The following RALGPS1 variants were observed in gnomAD, a reference collection of about 807,000 sequenced individuals.
The protein encoded by RALGPS1 is ras-specific guanine nucleotide-releasing factor RalGPS1.
RALGPS1 carries 19 observed loss-of-function variants against 78.8 expected under a neutral mutation model. The ratio of observed to expected loss-of-function variants is 0.24; its 90% confidence interval spans 0.17 to 0.35. The LOEUF is 0.35. RALGPS1 is among the 10% of genes least tolerant of loss of function. The pLI is 1.00. For synonymous variants in RALGPS1, 228 were observed against 256.3 expected (o/e 0.89, Z 1.06); for missense variants, 454 against 688.3 (o/e 0.66, Z 3.81).
chr9:126,960,909 G>C (rs1293865242), intron 1 of RALGPS1, among the ~76,000 whole-genome samples: 1 of 152,090 alleles, frequency 6.6e-6, no homozygotes, highest in Non-Finnish European at 1.5e-5. Context: ...CTCCACTTCA[G>C]TGCCTGGGGA....
chr9:127,036,138 A>G (rs1002904594), intron 5 of RALGPS1, among the ~76,000 whole-genome samples: 1 of 152,242 alleles, frequency 6.6e-6, no homozygotes, highest in Non-Finnish European at 1.5e-5. Flanking sequence ...CCAAGTGATG[A>G]AATGAGCCAG....
chr9:127,149,067 T>C (rs912319515), intron 8 of RALGPS1, among the ~76,000 whole-genome samples: 6 of 152,204 alleles, frequency 3.9e-5, no homozygotes, highest in African/African-American at 1.4e-4. Context: ...AGGCCAAAAC[T>C]GAGGACCAGA....
rs113413659 is a variant in RALGPS1, at chr9:126,958,142, A to AAAAAAAATATATATATATATATAT, written c.-65-4082_-65-4081insAAAAAATATATATATATATATATA. On this transcript the variant is annotated intron_variant, in intron 1 of 18. Transcript: ENST00000259351. ...CTGTCTCTTTAAAAAAAAAAAAAAA[A>AAAAAAAATATATATATATATATAT]ATATATATATATATATACACACACA... 5.2e-5 allele frequency among the ~76,000 whole-genome samples: 4 copies of AAAAAAAATATATATATATATATAT among 77,096 alleles called. No individual in the cohort carries two copies. The East Asian group carries it at 1.2e-3, about 23-fold the overall frequency. 50.6% of individuals were successfully genotyped at this position (77,096 alleles called of 152,430 possible). A position where few individuals can be genotyped will look rare whatever the true frequency, so the allele number is the denominator to read the frequency against.
At chr9:127,214,948 C>T in intron 18 of RALGPS1, 106 bp downstream of exon 18, 1 of 1,548,066 alleles carries the variant, frequency 6.5e-7, no homozygotes, top group South Asian at 1.2e-5. Context: ...AGCCCATTAG[C>T]CACACTCTCA....
chr9:127,104,186 A>C (rs545509662), intron 8 of RALGPS1, among the ~76,000 whole-genome samples: 2 of 152,334 alleles, frequency 1.3e-5, no homozygotes, highest in Non-Finnish European at 2.9e-5. Flanking sequence ...TCAGGAGAGA[A>C]AACAGCTAAA....
At chr9:127,057,805 T>C (rs527712376) in intron 7 of RALGPS1, among the ~76,000 whole-genome samples, 2 of 152,356 alleles carry the variant, frequency 1.3e-5, no homozygotes, top group East Asian at 3.9e-4. Context: ...CCTCATGGGC[T>C]TTCATGTTGG....
At chr9:126,966,286 A>AGGTAGGAG (rs2039486753) in intron 3 of RALGPS1, among the ~76,000 whole-genome samples, 2 of 152,154 alleles carry the variant, frequency 1.3e-5, no homozygotes, top group African/African-American at 4.8e-5. Flanking sequence ...TGGGAGGCTG[A>AGGTAGGAG]GGTAGGAGGA....
At chr9:126,943,650 C>G (rs999338218) in intron 1 of RALGPS1, among the ~76,000 whole-genome samples, 1 of 152,164 alleles carries the variant, frequency 6.6e-6, no homozygotes, top group East Asian at 1.9e-4. Flanking sequence ...GCCTTAGAAA[C>G]TGGGTGCAGG....
At chr9:127,039,944 C>T (rs949489123) in intron 5 of RALGPS1, among the ~76,000 whole-genome samples, 3 of 152,160 alleles carry the variant, frequency 2.0e-5, no homozygotes, top group Admixed American at 6.5e-5. Flanking sequence ...TTCTAAGTGG[C>T]CCCAGTGCAT....
At chr9:127,181,727 C>T (rs1327961286) in intron 11 of RALGPS1, among the ~76,000 whole-genome samples, 2 of 152,120 alleles carry the variant, frequency 1.3e-5, no homozygotes, top group African/African-American at 4.8e-5. Flanking sequence ...TGGCCCTTCT[C>T]CCTCCCTAGG....
chr9:127,199,173 A>C, intron 14 of RALGPS1, 107 bp downstream of exon 14: 6 of 1,026,200 alleles, frequency 5.8e-6, no homozygotes, highest in Non-Finnish European at 9.2e-6. Context: ...CCACCCCATG[A>C]GGCTGCTCTG....
chr9:126,927,148 T>A (rs147588956), intron 1 of RALGPS1, among the ~76,000 whole-genome samples: 3 of 152,272 alleles, frequency 2.0e-5, no homozygotes, highest in Non-Finnish European at 4.4e-5. Flanking sequence ...GGTAGTCTTA[T>A]GTTTAAGGGC....
intron 8 of RALGPS1, among the ~76,000 whole-genome samples, chr9:127,144,518 A>C (rs2057984093): frequency 6.6e-6 from 1 of 152,262 alleles, no homozygotes; most frequent in Non-Finnish European, 1.5e-5. Flanking sequence ...ACCCAAAAGT[A>C]AAAACACATG....
At chr9:127,045,437 A>T (rs1179329553) in intron 5 of RALGPS1, among the ~76,000 whole-genome samples, 1 of 152,188 alleles carries the variant, frequency 6.6e-6, no homozygotes, top group Non-Finnish European at 1.5e-5. Flanking sequence ...GTTGTTTCCC[A>T]AGGGGGATGG....
chr9:127,011,412 C>T (rs1391335799), intron 4 of RALGPS1, among the ~76,000 whole-genome samples: 1 of 152,150 alleles, frequency 6.6e-6, no homozygotes, highest in African/African-American at 2.4e-5. Context: ...CTCCTGACCT[C>T]AGGTGATCCG....
Position 126,977,993 on chromosome 9 carries a change from G to A in RALGPS1, c.216+248G>A, listed in dbSNP as rs55760117. The A allele has an allele frequency of 7.2e-3, 2,539 of 354,082 alleles. 10 individuals are homozygous for A. Among genetic ancestry groups the A allele is most frequent in the Non-Finnish European group, 0.01 (2,022 of 197,036 alleles). 21.9% of individuals were successfully genotyped at this position (354,082 alleles called of 1,614,324 possible). A position where few individuals can be genotyped will look rare whatever the true frequency, so the allele number is the denominator to read the frequency against. Reference sequence around the variant, plus strand: ...GCAGTTGGTACCCACAGGACTCCACGCCTGAGAGTCAGGTCTTAACACCCT... The same window carrying A: ...GCAGTTGGTACCCACAGGACTCCACACCTGAGAGTCAGGTCTTAACACCCT... On this transcript the variant is annotated intron_variant, in intron 4 of 18. Transcript: ENST00000259351.
At chr9:127,037,413 A>G (rs1416307163) in intron 5 of RALGPS1, among the ~76,000 whole-genome samples, 1 of 152,238 alleles carries the variant, frequency 6.6e-6, no homozygotes, top group Non-Finnish European at 1.5e-5. Context: ...GAGATTGGAC[A>G]GGGCCAAATG....
At chr9:126,943,534 C>T (rs560954111) in intron 1 of RALGPS1, among the ~76,000 whole-genome samples, 1 of 152,232 alleles carries the variant, frequency 6.6e-6, no homozygotes, top group Non-Finnish European at 1.5e-5. Context: ...GTCTATTAGT[C>T]GAGGTTGATG....
At chr9:127,178,126 A>G in intron 11 of RALGPS1, 5 of 922,650 alleles carry the variant, frequency 5.4e-6, no homozygotes. Context: ...GTTCTGGAGG[A>G]TGATTGGCTG....
Sources: allele counts gnomAD v4.1 joint callset (sites outside exome capture counted in the v4.1 genomes callset), GRCh38; gene constraint gnomAD v4.1.1; transcripts MANE v1.5; gene names NCBI Gene and HGNC (gene_info 2026-07-23, HGNC 2026-07-21).